POLD4: variants seen among roughly 807,000 people sequenced by gnomAD.
The protein encoded by POLD4 is DNA polymerase delta 4, accessory subunit, also known as DNA polymerase delta subunit 4.
POLD4 carries 9 observed loss-of-function variants against 16.5 expected under a neutral mutation model. The ratio of observed to expected loss-of-function variants is 0.55; its 90% CI spans 0.33 to 0.95. The LOEUF (loss-of-function observed/expected upper bound fraction) is 0.95, where lower values mean the gene tolerates loss of function less well. Ranked by LOEUF, POLD4 falls within the 40% of genes least tolerant of loss-of-function variation. The probability of loss-of-function intolerance (pLI) is 0.03; values close to 1 mark genes in which losing one functional copy is unlikely to be tolerated. For synonymous variants in POLD4, 62 were observed against 57.6 expected, an observed-to-expected ratio of 1.08 and a Z score of -0.35; for missense variants, 129 against 139.7, an observed-to-expected ratio of 0.92 and a Z score of 0.39.
At position 67,351,058 on chromosome 11, in the gene POLD4, A is replaced by G. The variant is rs2514258; in HGVS notation, c.*937T>C. The G allele has an allele frequency of 0.27, 41,738 of 152,324 alleles. 11,623 individuals are homozygous for G. Among genetic ancestry groups the G allele is most frequent in the African/African-American group, 0.7 (29,106 of 41,444 alleles). The allele number at this position is 152,324 out of a possible 1,614,324, so 9.4% of individuals were successfully genotyped here. A position where few individuals can be genotyped will look rare whatever the true frequency, so the allele number is the denominator to read the frequency against. On this transcript the variant is annotated 3_prime_UTR_variant, in exon 4 of 4. Transcript: ENST00000312419. This position sits in a 1 kb window ranked among gnomAD's most constrained non-coding sequence, Gnocchi z 4.8. ...ATTACAGGTGTGAGCCACCGCGCCCAGCCATCAGTTTCTTACCAAAGCCCC... is the reference window on the plus strand; with the variant it reads ...ATTACAGGTGTGAGCCACCGCGCCCGGCCATCAGTTTCTTACCAAAGCCCC...
At position 67,351,798 on chromosome 11, in the gene POLD4, G is replaced by T; in HGVS notation, c.*197C>A. The T allele has an allele frequency of 1.7e-6, 1 of 591,232 alleles. No homozygotes were observed. Among genetic ancestry groups the T allele is most frequent in the Non-Finnish European group, 3.1e-6 (1 of 326,380 alleles). The allele number at this position is 591,232 out of a possible 1,614,324, so 36.6% of individuals were successfully genotyped here. On this transcript the variant is annotated 3_prime_UTR_variant, in exon 4 of 4. Transcript: ENST00000312419. This position sits in a 1 kb window ranked among gnomAD's most constrained non-coding sequence, Gnocchi z 4.8. Reference sequence around the variant, plus strand: ...CATCTAGAAGCACTCTGCTTCAGCTGCGCAGGCTCTTCCGGGGACTCTGGG... The same window carrying T: ...CATCTAGAAGCACTCTGCTTCAGCTTCGCAGGCTCTTCCGGGGACTCTGGG...
Position 67,352,466 on chromosome 11 carries a change from C to T in POLD4, c.299+225G>A, listed in dbSNP as rs554830683. On this transcript the variant is annotated intron_variant, in intron 3 of 3. Coordinates refer to ENST00000312419, the MANE Select transcript of POLD4 (RefSeq NM_021173.5). ...CGGAGTTTGCAGTGAGCCGAGATCG[C>T]GCCACTGCACTCCAGCCTGGGCAAC... 8.6e-6 allele frequency: 4 copies of T among 465,822 alleles called. No homozygotes were observed. The South Asian group carries it at 9.4e-5, about 11-fold the overall frequency. The allele number at this position is 465,822 out of a possible 1,614,324, so 28.9% of individuals were successfully genotyped here.
rs1244054357 is a variant in POLD4, at chr11:67,351,985, A to T, written c.*10T>A. 2.2e-6 allele frequency: 3 copies of T among 1,340,320 alleles called. No individual in the cohort carries two copies. The highest frequency in any genetic ancestry group is 9.9e-7 in the Non-Finnish European group (1 of 1,013,080). 83.0% of individuals were successfully genotyped at this position (1,340,320 alleles called of 1,614,324 possible). A position where few individuals can be genotyped will look rare whatever the true frequency, so the allele number is the denominator to read the frequency against. Reference sequence around the variant, plus strand: ...AAGAGAGCTAAGGGCAGGAGGTCTTACGTGGTGCCTCATAGGGGATAGAGA... The same window carrying T: ...AAGAGAGCTAAGGGCAGGAGGTCTTTCGTGGTGCCTCATAGGGGATAGAGA... On this transcript the variant is annotated 3_prime_UTR_variant, in exon 4 of 4. Coordinates refer to ENST00000312419, the MANE Select transcript of POLD4 (RefSeq NM_021173.5). This position sits in a 1 kb window ranked among gnomAD's most constrained non-coding sequence, Gnocchi z 4.8.
intron 3 of POLD4, chr11:67,352,383 G>A (rs1861887587): frequency 8.5e-6 from 3 of 352,822 alleles, no homozygotes; most frequent in South Asian, 4.2e-5. Context: ...GTTGGCGGGC[G>A]CCTGTAGTCC....
At position 67,353,437 on chromosome 11, in the gene POLD4, G is replaced by A; in HGVS notation, c.-38C>T. The A allele has an allele frequency of 6.3e-7, 1 of 1,579,406 alleles. No individual in the cohort carries two copies. The highest frequency in any genetic ancestry group is 8.6e-7 in the Non-Finnish European group (1 of 1,157,830). ...GGCAGGCAGAGAAGGAGGCAACTGC[G>A]GGGAAGAGGAGAGACCGGCCAGTGG... On this transcript the variant is annotated 5_prime_UTR_variant, in exon 1 of 4. Coordinates refer to ENST00000312419, the MANE Select transcript of POLD4 (RefSeq NM_021173.5).
intron 3 of POLD4, 25 bp from the exon 4 acceptor site, chr11:67,352,044 G>A (rs1590905326): frequency 1.6e-6 from 1 of 610,150 alleles, no homozygotes; most frequent in Non-Finnish European, 2.9e-6. Flanking sequence ...GTGGGAGGGA[G>A]GGATACCCCA....
At position 67,353,546 on chromosome 11, in the gene POLD4, G is replaced by A. The variant is rs536043506; in HGVS notation, c.-147C>T. The A allele has an allele frequency of 5.5e-5, 36 of 653,490 alleles. No homozygotes were observed. In the East Asian group the frequency reaches 7.8e-4, roughly 14 times the overall value. 40.5% of individuals were successfully genotyped at this position (653,490 alleles called of 1,614,324 possible). A position where few individuals can be genotyped will look rare whatever the true frequency, so the allele number is the denominator to read the frequency against. On this transcript the variant is annotated 5_prime_UTR_variant, in exon 1 of 4. Transcript: ENST00000312419. ...AAGATGACCCAGACAAACCGAGAGA[G>A]GAAGTCGCCGGGGTCCAGGGAGGGA...
Position 67,352,792 on chromosome 11 carries a change from C to A in POLD4, c.198G>T (p.Arg66=). Residue 66 remains arginine, a synonymous_variant, in exon 3 of 4, where the codon CGG becomes CGT. Transcript: ENST00000312419. ...GCTTGGCCCGACACCAGCGCTGCAG[C>A]CGTGTGATCCCTGCCAGGGTGGGAA... ...WQYGPCTGIT[R]LQRWCRAKQM... is the part of the protein sequence containing the mutation. The A allele has an allele frequency of 6.2e-7, 1 of 1,606,500 alleles. No homozygotes were observed. The highest frequency in any genetic ancestry group is 8.5e-7 in the Non-Finnish European group (1 of 1,175,390).
rs1318765254 is a variant in POLD4 at position 67,351,996 on chromosome 11, C to T, written c.323G>A (p.Ter108=). ...QCSLWHLYPL[*] is the part of the protein sequence containing the mutation. ...GGGCAGGAGGTCTTACGTGGTGCCT[C>T]ATAGGGGATAGAGATGCCAGAGACT... The change falls in exon 4 of 4, where the codon TGA becomes TAA. Residue 108 remains the stop codon, a stop_retained_variant. Transcript: ENST00000312419. The surrounding 1 kb of genome is among the most constrained non-coding windows in gnomAD (Gnocchi z 4.8). 2 of 1,313,556 alleles carry T rather than the reference C, an allele frequency of 1.5e-6. No individual in the cohort carries two copies. The highest frequency in any genetic ancestry group is 1.7e-5 in the African/African-American group (1 of 58,626). 81.4% of individuals were successfully genotyped at this position (1,313,556 alleles called of 1,614,324 possible).
In POLD4 at chr11:67,353,364, C is replaced by A. The variant is rs944001533; in HGVS notation, c.36G>T (p.Pro12=). 1.2e-6 allele frequency: 2 copies of A among 1,612,390 alleles called. No homozygotes were observed. Among genetic ancestry groups the A allele is most frequent in the African/African-American group, 2.7e-5 (2 of 74,950 alleles). The change falls in exon 1 of 4, where the codon CCG becomes CCT. Residue 12 remains proline (P), a synonymous_variant. Coordinates refer to ENST00000312419, the MANE Select transcript of POLD4 (RefSeq NM_021173.5). ...GRKRLITDSY[P]VVKRREGPAG... is the part of the protein sequence containing the mutation. ...CGGGCCCCTCCCTCCTCTTCACAAC[C>A]GGGTAGGAATCAGTGATGAGCCGCT...
chr11:67,353,393 G>A lies in POLD4; in HGVS notation c.7C>T (p.Arg3Trp). ...TAGGAATCAGTGATGAGCCGCTTCC[G>A]GCCCATGGCGGCCACCCAGGCAGGC... MG[R>W]KRLITDSYPV... The change falls in exon 1 of 4, where the codon CGG (arginine) becomes TGG (tryptophan). Residue 3 changes from arginine to tryptophan, a missense_variant. Physicochemically the swap from Arg to Trp is moderately radical, Grantham distance 101. Coordinates refer to ENST00000312419, the MANE Select transcript of POLD4 (RefSeq NM_021173.5). 1 of 1,610,572 alleles carries A rather than the reference G, an allele frequency of 6.2e-7. No homozygotes were observed. Among genetic ancestry groups the A allele is most frequent in the Non-Finnish European group, 8.5e-7 (1 of 1,179,796 alleles).
At chr11:67,352,118 T>A (rs1268248655) in intron 3 of POLD4, 99 bp from the exon 4 acceptor site, 43 of 994,506 alleles carry the variant, frequency 4.3e-5, no homozygotes, top group Non-Finnish European at 6.6e-5. Context: ...CACCAGCTTA[T>A]TCTTGGCCAT....
chr11:67,352,336 C>A (rs1861885592), intron 3 of POLD4: 1 of 339,684 alleles, frequency 2.9e-6, no homozygotes, highest in Non-Finnish European at 5.5e-6. Context: ...CGGTGAAACC[C>A]TGTCTCTACT....
chr11:67,352,197 C>G, intron 3 of POLD4, 178 bp from the exon 4 acceptor site: 1 of 585,082 alleles, frequency 1.7e-6, no homozygotes. Flanking sequence ...GTACCTTTGC[C>G]CCCCACTAGC....
At position 67,353,368 on chromosome 11, in the gene POLD4, T is replaced by C. The variant is rs1590906760; in HGVS notation, c.32A>G (p.Tyr11Cys). The C allele has an allele frequency of 6.2e-7, 1 of 1,611,584 alleles. No homozygotes were observed. The change falls in exon 1 of 4, where the codon TAC becomes TGC. Residue 11 changes from tyrosine to cysteine, a missense_variant. Coordinates refer to ENST00000312419, the MANE Select transcript of POLD4 (RefSeq NM_021173.5). ...CCCCTCCCTCCTCTTCACAACCGGG[T>C]AGGAATCAGTGATGAGCCGCTTCCG... MGRKRLITDS[Y>C]PVVKRREGPA...
Position 67,351,895 on chromosome 11 carries a change from G to T in POLD4, c.*100C>A. ...TCTGCCTGCCAAGGGTTCCTCCGCA[G>T]CCGGGCTGAGCTGAGCAGGAGCAAT... On this transcript the variant is annotated 3_prime_UTR_variant, in exon 4 of 4. Coordinates refer to ENST00000312419, the MANE Select transcript of POLD4 (RefSeq NM_021173.5). This position sits in a 1 kb window ranked among gnomAD's most constrained non-coding sequence, Gnocchi z 4.8. 7.4e-7 allele frequency: 1 copy of T among 1,344,726 alleles called. No individual in the cohort carries two copies. Among genetic ancestry groups the T allele is most frequent in the Non-Finnish European group, 1.0e-6 (1 of 963,750 alleles). The allele number at this position is 1,344,726 out of a possible 1,614,324, so 83.3% of individuals were successfully genotyped here.
At chr11:67,352,584 A>G in intron 3 of POLD4, 107 bp downstream of exon 3, 1 of 761,602 alleles carries the variant, frequency 1.3e-6, no homozygotes, top group Non-Finnish European at 2.2e-6. Flanking sequence ...CTGTTCAGCA[A>G]GGCCTTCCAA....
intron 3 of POLD4, 95 bp downstream of exon 3, chr11:67,352,596 C>T: frequency 1.1e-6 from 1 of 915,690 alleles, no homozygotes; most frequent in Non-Finnish European, 1.7e-6. Flanking sequence ...GCCTTCCAAC[C>T]CTCCATCCAT....
chr11:67,353,213 T>C, intron 1 of POLD4, 90 bp downstream of exon 1: 2 of 1,541,798 alleles, frequency 1.3e-6, no homozygotes, highest in Non-Finnish European at 1.8e-6. Flanking sequence ...CAGGCCACCT[T>C]TCCCTTTCCA....
Sources: gnomAD v4.1 joint callset for allele counts on GRCh38, gnomAD v4.1.1 for gene constraint, Gnocchi (gnomAD v3.1) non-coding constraint, MANE v1.5 for transcripts, NCBI Gene and HGNC (gene_info 2026-07-23, HGNC 2026-07-21) for gene names.